Variants in PIP5K1C observed in about 807,000 individuals in gnomAD.
PIP5K1C encodes the protein phosphatidylinositol-4-phosphate 5-kinase type 1 gamma, also known as phosphatidylinositol 4-phosphate 5-kinase type-1 gamma.
In PIP5K1C, 45 loss-of-function variants were observed where a neutral mutation model predicts 80.1. The observed-to-expected ratio is 0.56, with a 90% CI of 0.44 to 0.72. The LOEUF is 0.72. Among genes scored for constraint, PIP5K1C ranks in the 30% least tolerant of loss-of-function variants. PIP5K1C has a pLI of 0.00. For synonymous variants in PIP5K1C, 498 were observed against 420.1 expected (o/e 1.19, Z -2.27); for missense variants, 753 against 954.6 (o/e 0.79, Z 2.78).
intron 9 of PIP5K1C, 65 bp from the exon 10 acceptor site, chr19:3,647,451 A>C: frequency 7.3e-7 from 1 of 1,361,158 alleles, no homozygotes; most frequent in Admixed American, 2.0e-5. Flanking sequence ...CACCTCACTC[A>C]GGGGCCACTG....
rs116388716 is a variant in PIP5K1C, at chr19:3,660,689, G to A, written c.468+277C>T. On this transcript the variant is annotated intron_variant, in intron 5 of 17. Coordinates refer to ENST00000335312, the MANE Select transcript of PIP5K1C (RefSeq NM_012398.3). ...AACTGTTTGGTGAGTGGACACCCTC[G>A]CCTGCTCTGATGACAAGGCCCACAT... Among the ~76,000 whole-genome samples the A allele has an allele frequency of 4.4e-3, 668 of 152,150 alleles. 3 individuals are homozygous for A. Among genetic ancestry groups the A allele is most frequent in the African/African-American group, 0.015 (630 of 41,492 alleles).
intron 6 of PIP5K1C, among the ~76,000 whole-genome samples, chr19:3,654,373 G>C (rs1432366221): frequency 6.6e-6 from 1 of 152,242 alleles, no homozygotes; most frequent in Non-Finnish European, 1.5e-5. Context: ...CCAGGTGTCG[G>C]GGCTGAGACA....
chr19:3,673,001 G>T (rs944302516), intron 1 of PIP5K1C, among the ~76,000 whole-genome samples: 66 of 151,460 alleles, frequency 4.4e-4, no homozygotes, highest in African/African-American at 1.6e-3. Context: ...GCAGGGGAGG[G>T]ATTCTGCGAA....
At chr19:3,654,535 G>A (rs2034554930) in intron 6 of PIP5K1C, among the ~76,000 whole-genome samples, 1 of 152,254 alleles carries the variant, frequency 6.6e-6, no homozygotes, top group Non-Finnish European at 1.5e-5. Flanking sequence ...AGTGGAAAGG[G>A]CCCAGTGCGA....
chr19:3,641,627 T>C, intron 15 of PIP5K1C, 78 bp downstream of exon 15: 1 of 1,033,020 alleles, frequency 9.7e-7, no homozygotes, highest in Admixed American at 1.7e-5. Context: ...TGCTTCATGA[T>C]GAAACCTCGG....
intron 15 of PIP5K1C, among the ~76,000 whole-genome samples, chr19:3,639,829 C>T (rs962996277): frequency 3.3e-5 from 5 of 152,202 alleles, no homozygotes; most frequent in Non-Finnish European, 7.3e-5. Context: ...GCGGCTACTG[C>T]CCCTGTGTTG....
intron 1 of PIP5K1C, among the ~76,000 whole-genome samples, chr19:3,678,517 TGGAG>T (rs1335825184): frequency 2.2e-5 from 1 of 45,444 alleles, no homozygotes; most frequent in Non-Finnish European, 4.1e-5. Flanking sequence ...GATGGTGGGA[TGGAG>T]GGAGGGATGG....
At chr19:3,650,484 C>T (rs796670628) in intron 8 of PIP5K1C, among the ~76,000 whole-genome samples, 23 of 152,376 alleles carry the variant, frequency 1.5e-4, no homozygotes, top group African/African-American at 5.3e-4. Flanking sequence ...GTGGTTGTCA[C>T]AACTGGGGGG....
chr19:3,668,965 C>T (rs539112356), intron 1 of PIP5K1C, among the ~76,000 whole-genome samples: 1 of 152,188 alleles, frequency 6.6e-6, no homozygotes, highest in Non-Finnish European at 1.5e-5. Flanking sequence ...AGGGGAGTGC[C>T]TCCCTGTTGG....
At chr19:3,689,280 G>A (rs1384317268) in intron 1 of PIP5K1C, among the ~76,000 whole-genome samples, 1 of 152,200 alleles carries the variant, frequency 6.6e-6, no homozygotes, top group Non-Finnish European at 1.5e-5. Context: ...GAGGCTCACA[G>A]GAACCCGACC....
chr19:3,685,345 CT>C (rs1404312679), intron 1 of PIP5K1C, among the ~76,000 whole-genome samples: 1 of 152,196 alleles, frequency 6.6e-6, no homozygotes, highest in Non-Finnish European at 1.5e-5. Flanking sequence ...AGGAGTCTCG[CT>C]GATTATATGG....
intron 1 of PIP5K1C, among the ~76,000 whole-genome samples, chr19:3,697,441 C>T (rs944107733): frequency 2.0e-5 from 3 of 148,176 alleles, no homozygotes; most frequent in Non-Finnish European, 3.0e-5. Context: ...CCGAGCTGTA[C>T]GGAGGAGGAC....
intron 14 of PIP5K1C, 146 bp from the exon 15 acceptor site, chr19:3,641,955 A>G: frequency 1.4e-6 from 1 of 710,764 alleles, no homozygotes; most frequent in South Asian, 1.5e-5. Context: ...TGTCACTCCC[A>G]GCCCGGGGAC....
At chr19:3,683,133 C>T (rs1208907874) in intron 1 of PIP5K1C, among the ~76,000 whole-genome samples, 2 of 152,168 alleles carry the variant, frequency 1.3e-5, no homozygotes, top group African/African-American at 2.4e-5. Flanking sequence ...ACCCTGCCCC[C>T]GCTGGGTTTA....
In PIP5K1C at chr19:3,693,862, G is replaced by A. The variant is rs142115308; in HGVS notation, c.94+6435C>T. ...GAGGGCTGCTTGGGACCAAGGGTTC[G>A]AGACCCTCGCACCCTGGACAACATA... On this transcript the variant is annotated intron_variant, in intron 1 of 17. Coordinates refer to ENST00000335312, the MANE Select transcript of PIP5K1C (RefSeq NM_012398.3). 3.3e-3 allele frequency among the ~76,000 whole-genome samples: 499 copies of A among 152,208 alleles called. 2 individuals carry two copies. Among genetic ancestry groups the A allele is most frequent in the African/African-American group, 0.011 (475 of 41,528 alleles).
At chr19:3,646,178 A>G in intron 10 of PIP5K1C, 120 bp from the exon 11 acceptor site, 1 of 693,962 alleles carries the variant, frequency 1.4e-6, no homozygotes, top group Non-Finnish European at 2.7e-6. Flanking sequence ...AAGGCTCGAG[A>G]TGGGTCCATG....
chr19:3,662,143 G>A lies in PIP5K1C; in HGVS notation c.220-142C>T, dbSNP rs1175992330. ...CAACCCCCTCCTGGTGGTCCCCGGGGCTGCCTGTCCTGCGGCTGCTGAGCT... is the reference window on the plus strand; with the variant it reads ...CAACCCCCTCCTGGTGGTCCCCGGGACTGCCTGTCCTGCGGCTGCTGAGCT... On this transcript the variant is annotated intron_variant, in intron 3 of 17. Coordinates refer to ENST00000335312, the MANE Select transcript of PIP5K1C (RefSeq NM_012398.3). The A allele has an allele frequency of 6.6e-6, 7 of 1,052,856 alleles. No homozygotes were observed. In the East Asian group the frequency reaches 1.6e-4, roughly 24 times the overall value. 65.2% of individuals were successfully genotyped at this position (1,052,856 alleles called of 1,614,324 possible). A position where few individuals can be genotyped will look rare whatever the true frequency, so the allele number is the denominator to read the frequency against.
At chr19:3,682,428 C>A (rs1349200371) in intron 1 of PIP5K1C, among the ~76,000 whole-genome samples, 2 of 151,712 alleles carry the variant, frequency 1.3e-5, no homozygotes, top group Non-Finnish European at 2.9e-5. Context: ...ACCTGTCATC[C>A]CAGCACACTT....
At chr19:3,697,255 C>T (rs370706173) in intron 1 of PIP5K1C, among the ~76,000 whole-genome samples, 2 of 144,932 alleles carry the variant, frequency 1.4e-5, no homozygotes, top group African/African-American at 5.2e-5. Context: ...CCGGGAGGAC[C>T]GAGCCAGATG....
Sources: gnomAD v4.1 joint callset for allele counts (sites outside exome capture counted in the v4.1 genomes callset) on GRCh38, gnomAD v4.1.1 for gene constraint, MANE v1.5 for transcripts, NCBI Gene and HGNC (gene_info 2026-07-23, HGNC 2026-07-21) for gene names.